TLN2: variants seen among roughly 807,000 people sequenced by gnomAD.
TLN2 encodes the protein talin-2.
A neutral mutation model predicts 294.7 loss-of-function variants in TLN2; 118 were observed. The observed-to-expected ratio is 0.40, with a 90% CI of 0.34 to 0.47. The LOEUF (loss-of-function observed/expected upper bound fraction) is 0.47. Ranked by LOEUF, TLN2 falls within the 20% of genes least tolerant of loss-of-function variation. TLN2 has a pLI of 0.84. For synonymous variants in TLN2, 1,431 were observed against 1,304.5 expected (o/e 1.10, Z -2.09); for missense variants, 3,083 against 3,282.2 (o/e 0.94, Z 1.48).
At chr15:62,835,592 G>A (rs1366066033) in intron 55 of TLN2, 145 bp from the exon 56 acceptor site, 4 of 823,122 alleles carry the variant, frequency 4.9e-6, no homozygotes, top group Non-Finnish European at 8.0e-6. Context: ...ACGTGAGAAA[G>A]GTTGCTCCAT....
chr15:62,728,550 T>C (rs2060557764), intron 28 of TLN2, among the ~76,000 whole-genome samples: 1 of 152,234 alleles, frequency 6.6e-6, no homozygotes, highest in Non-Finnish European at 1.5e-5. Flanking sequence ...AGTTGTTCTC[T>C]ATCCTTGTCA....
At chr15:62,775,631 C>G (rs1368049385) in intron 42 of TLN2, among the ~76,000 whole-genome samples, 1 of 152,170 alleles carries the variant, frequency 6.6e-6, no homozygotes, top group African/African-American at 2.4e-5. Flanking sequence ...TCTTGGAATT[C>G]TCTTGTATTT....
rs2063751835 is a variant in TLN2 at position 62,776,862 on chromosome 15, G to T, written c.5466G>T (p.Val1822=). 2 of 1,599,074 alleles carry T rather than the reference G, an allele frequency of 1.3e-6. No individual in the cohort carries two copies. The highest frequency in any genetic ancestry group is 1.7e-6 in the Non-Finnish European group (2 of 1,172,552). Residue 1822 remains valine (V), a synonymous_variant, in exon 43 of 59, where the codon GTG becomes GTT. Coordinates refer to ENST00000636159, the MANE Select transcript of TLN2 (RefSeq NM_015059.3). ...CGCTGAACGAAGCTGCCAGTGAAGTGGGGCTGGTTGGGGGCATGGTGGACG... is the reference window on the plus strand; with the variant it reads ...CGCTGAACGAAGCTGCCAGTGAAGTTGGGCTGGTTGGGGGCATGGTGGACG... ...MVTLNEAASE[V]GLVGGMVDAI... is the part of the protein sequence containing the mutation.
chr15:62,639,261 G>T (rs1441850373), intron 3 of TLN2, among the ~76,000 whole-genome samples: 1 of 148,148 alleles, frequency 6.8e-6, no homozygotes, highest in African/African-American at 2.5e-5. Flanking sequence ...CTATATCTAT[G>T]TGTATATCTA....
intron 1 of TLN2, among the ~76,000 whole-genome samples, chr15:62,514,928 C>T (rs2040112042): frequency 6.6e-6 from 1 of 152,170 alleles, no homozygotes; most frequent in Non-Finnish European, 1.5e-5. Flanking sequence ...AACTCACTTA[C>T]ACCAAGGAGA....
chr15:62,396,313 C>G (rs1333405676), intron 1 of TLN2, among the ~76,000 whole-genome samples: 1 of 152,112 alleles, frequency 6.6e-6, no homozygotes, highest in Admixed American at 6.5e-5. Flanking sequence ...TATATGAAAA[C>G]AAGTTAAAAA....
intron 2 of TLN2, among the ~76,000 whole-genome samples, chr15:62,593,107 G>A (rs998711495): frequency 6.6e-6 from 1 of 152,210 alleles, no homozygotes. Context: ...GATCTTTGCA[G>A]CTCTTTGTCA....
intron 1 of TLN2, among the ~76,000 whole-genome samples, chr15:62,579,621 G>C (rs980212760): frequency 2.6e-5 from 4 of 152,144 alleles, no homozygotes; most frequent in African/African-American, 9.7e-5. Context: ...CTGGAGGATG[G>C]AGCCAGTGTG....
At chr15:62,453,586 G>A (rs1427794097) in intron 1 of TLN2, 3 of 152,190 alleles carry the variant, frequency 2.0e-5, no homozygotes, top group Non-Finnish European at 4.4e-5. Context: ...GTTTTATGTA[G>A]TGTGAGTAAT....
chr15:62,520,441 G>A (rs1431185569), intron 1 of TLN2, among the ~76,000 whole-genome samples: 1 of 152,220 alleles, frequency 6.6e-6, no homozygotes, highest in African/African-American at 2.4e-5. Flanking sequence ...GTCTACATGT[G>A]TGTAAGTGTA....
At chr15:62,793,514 G>C (rs901240348) in intron 46 of TLN2, among the ~76,000 whole-genome samples, 1 of 152,142 alleles carries the variant, frequency 6.6e-6, no homozygotes, top group Non-Finnish European at 1.5e-5. Context: ...AAAGTGCCTG[G>C]TACAGTGCCA....
At chr15:62,826,767 C>T (rs907579459) in intron 54 of TLN2, among the ~76,000 whole-genome samples, 1 of 152,182 alleles carries the variant, frequency 6.6e-6, no homozygotes, top group Non-Finnish European at 1.5e-5. Flanking sequence ...TTCCAACTGG[C>T]AGGAAAATGC....
chr15:62,630,360 C>G (rs1037571251), intron 3 of TLN2, among the ~76,000 whole-genome samples: 2 of 152,162 alleles, frequency 1.3e-5, no homozygotes, highest in Admixed American at 6.5e-5. Context: ...GAGGGCCACT[C>G]AGACATTTTT....
In TLN2 at chr15:62,765,989, C is replaced by T. The variant is rs2062977135; in HGVS notation, c.5095-332C>T. 3.9e-5 allele frequency among the ~76,000 whole-genome samples: 6 copies of T among 152,194 alleles called. No individual in the cohort carries two copies. The South Asian group carries it at 1.2e-3, about 31-fold the overall frequency. On this transcript the variant is annotated intron_variant, in intron 40 of 58. Transcript: ENST00000636159. ...TCTGCCTGCATTTGGAAGAAGTTGT[C>T]GTTCCTTCTTGGAAAGCCATGACTG...
chr15:62,503,402 C>T (rs567635161), intron 1 of TLN2, among the ~76,000 whole-genome samples: 1 of 152,224 alleles, frequency 6.6e-6, no homozygotes, highest in South Asian at 2.1e-4. Context: ...GAGCTCGAAT[C>T]CTCCACTTCA....
At chr15:62,441,992 A>C (rs1414234683) in intron 1 of TLN2, among the ~76,000 whole-genome samples, 1 of 152,060 alleles carries the variant, frequency 6.6e-6, no homozygotes. Flanking sequence ...TTAATAATAA[A>C]AGGGTAAAGG....
chr15:62,560,705 T>G (rs2042886734), intron 1 of TLN2, among the ~76,000 whole-genome samples: 1 of 152,256 alleles, frequency 6.6e-6, no homozygotes, highest in Non-Finnish European at 1.5e-5. Context: ...AAAGTATGTC[T>G]TCACCTGTCT....
chr15:62,472,308 A>G (rs1412117372), intron 1 of TLN2, among the ~76,000 whole-genome samples: 2 of 152,102 alleles, frequency 1.3e-5, no homozygotes, highest in African/African-American at 4.8e-5. Flanking sequence ...GACTCCTTAT[A>G]TCTTCCTCAT....
At chr15:62,541,567 C>G (rs2140523364) in intron 1 of TLN2, among the ~76,000 whole-genome samples, 1 of 152,172 alleles carries the variant, frequency 6.6e-6, no homozygotes, top group South Asian at 2.1e-4. Context: ...GGGGTCAGCC[C>G]CACTGGATTG....
Sources: gnomAD v4.1 joint callset for allele counts (sites outside exome capture counted in the v4.1 genomes callset) on GRCh38, gnomAD v4.1.1 for gene constraint, MANE v1.5 for transcripts, NCBI Gene and HGNC (gene_info 2026-07-23, HGNC 2026-07-21) for gene names.